EMC9: variants seen among roughly 807,000 people sequenced by gnomAD.
The protein encoded by EMC9 is UPF0172 protein FAM158A.
EMC9 carries 20 observed loss-of-function variants against 25.0 expected under a neutral mutation model. That is an observed-to-expected ratio of 0.80 (90% CI 0.56 to 1.16). EMC9 has a LOEUF of 1.16. EMC9 is among the 50% of genes most tolerant of loss of function. The pLI is 0.00. For missense variants in EMC9, 256 were observed against 268.7 expected (o/e 0.95, Z 0.33); for synonymous variants, 100 against 107.0 (o/e 0.93, Z 0.40).
At chr14:24,140,752 G>A (rs1026209110) in intron 3 of EMC9, 137 bp downstream of exon 3, 7 of 883,292 alleles carry the variant, frequency 7.9e-6, no homozygotes, top group South Asian at 3.2e-5. Flanking sequence ...GTTTGATGAA[G>A]GAAAGATAAA....
intron 1 of EMC9, 53 bp from the exon 2 acceptor site, chr14:24,141,369 T>A (rs1191381696): frequency 1.3e-6 from 2 of 1,553,652 alleles, no homozygotes; most frequent in Non-Finnish European, 1.8e-6. Flanking sequence ...AGCCGGTGCC[T>A]AGCTCGCGTC....
At position 24,140,042 on chromosome 14, in the gene EMC9, A is replaced by G. The variant is rs2038014121; in HGVS notation, c.276-428T>C. ...TTCATATTCAGACTATATAGCTGTTACGGTAGATCTTGGTGTGGAAATGGG... is the reference window on the plus strand; with the variant it reads ...TTCATATTCAGACTATATAGCTGTTGCGGTAGATCTTGGTGTGGAAATGGG... On this transcript the variant is annotated intron_variant, in intron 3 of 5. Transcript: ENST00000216799. The G allele has an allele frequency of 9.2e-6, 3 of 326,410 alleles. No homozygotes were observed. The Admixed American group carries it at 1.3e-4, about 14-fold the overall frequency. 20.2% of individuals were successfully genotyped at this position (326,410 alleles called of 1,614,324 possible).
In EMC9 at chr14:24,139,119, A is replaced by G. The variant is rs1164443557; in HGVS notation, c.518T>C (p.Val173Ala). 12 of 1,614,026 alleles carry G rather than the reference A, an allele frequency of 7.4e-6. No homozygotes were observed. Among genetic ancestry groups the G allele is most frequent in the Non-Finnish European group, 1.0e-5 (12 of 1,180,032 alleles). ...LLEDRAHQHLVDFDCHLDDIR... is the reference protein window; with the variant it reads ...LLEDRAHQHLADFDCHLDDIR... ...GTCATCAAGGTGGCAGTCAAAGTCC[A>G]CAAGGTGCTGGTGGGCCCGATCTTC... The change falls in exon 6 of 6, where the codon GTG (valine) becomes GCG (alanine). Residue 173 changes from valine (V) to alanine (A), a missense_variant. Val to Ala is a moderately conservative substitution (Grantham distance 64). Coordinates refer to ENST00000216799, the MANE Select transcript of EMC9 (RefSeq NM_016049.4). The surrounding 1 kb of genome is among the most constrained non-coding windows in gnomAD (Gnocchi z 4.6).
In EMC9 at chr14:24,139,242, C is replaced by G; in HGVS notation, c.441-46G>C. 1.2e-6 allele frequency: 2 copies of G among 1,608,306 alleles called. No individual in the cohort carries two copies. The highest frequency in any genetic ancestry group is 1.7e-6 in the Non-Finnish European group (2 of 1,175,846). On this transcript the variant is annotated intron_variant, in intron 5 of 5. Coordinates refer to ENST00000216799, the MANE Select transcript of EMC9 (RefSeq NM_016049.4). This position sits in a 1 kb window ranked among gnomAD's most constrained non-coding sequence, Gnocchi z 4.6. ...GAGGTCAAACAGCAAGTAGTGGGTCCAGACACAGACTTAACAGAGATTGGG... is the reference window on the plus strand; with the variant it reads ...GAGGTCAAACAGCAAGTAGTGGGTCGAGACACAGACTTAACAGAGATTGGG...
chr14:24,139,788 T>G lies in EMC9; in HGVS notation c.276-174A>C. ...GATGCACGACTGCTTGATGCTTGAG[T>G]GCTGTGGGAGACAGGTGCTCAGATA... is the stretch of plus-strand genomic sequence containing the variant. On this transcript the variant is annotated intron_variant, in intron 3 of 5. Coordinates refer to ENST00000216799, the MANE Select transcript of EMC9 (RefSeq NM_016049.4). The surrounding 1 kb of genome is among the most constrained non-coding windows in gnomAD (Gnocchi z 4.6). 2 of 1,531,204 alleles carry G rather than the reference T, an allele frequency of 1.3e-6. No homozygotes were observed. The highest frequency in any genetic ancestry group is 2.4e-5 in the South Asian group (2 of 83,040). 94.9% of individuals were successfully genotyped at this position (1,531,204 alleles called of 1,614,324 possible). A position where few individuals can be genotyped will look rare whatever the true frequency, so the allele number is the denominator to read the frequency against.
chr14:24,139,767 C>A lies in EMC9; in HGVS notation c.276-153G>T. On this transcript the variant is annotated intron_variant, in intron 3 of 5. Transcript: ENST00000216799. The surrounding 1 kb of genome is among the most constrained non-coding windows in gnomAD (Gnocchi z 4.6). Reference sequence around the variant, plus strand: ...GATCGGGCCTGCTGGATGCTTGATGCACGACTGCTTGATGCTTGAGTGCTG... The same window carrying A: ...GATCGGGCCTGCTGGATGCTTGATGAACGACTGCTTGATGCTTGAGTGCTG... The A allele has an allele frequency of 7.1e-6, 11 of 1,543,736 alleles. No individual in the cohort carries two copies. The highest frequency in any genetic ancestry group is 9.6e-6 in the Non-Finnish European group (11 of 1,142,814).
Position 24,139,785 on chromosome 14 carries a change from G to A in EMC9, c.276-171C>T, listed in dbSNP as rs749210810. ...CTTGATGCACGACTGCTTGATGCTT[G>A]AGTGCTGTGGGAGACAGGTGCTCAG... On this transcript the variant is annotated intron_variant, in intron 3 of 5. Transcript: ENST00000216799. The surrounding 1 kb of genome is among the most constrained non-coding windows in gnomAD (Gnocchi z 4.6). 1 of 1,538,446 alleles carries A rather than the reference G, an allele frequency of 6.5e-7. No homozygotes were observed. Among genetic ancestry groups the A allele is most frequent in the Non-Finnish European group, 8.8e-7 (1 of 1,138,980 alleles).
chr14:24,139,330 A>G lies in EMC9; in HGVS notation c.440+30T>C, dbSNP rs2037989753. On this transcript the variant is annotated intron_variant, in intron 5 of 5. Coordinates refer to ENST00000216799, the MANE Select transcript of EMC9 (RefSeq NM_016049.4). The surrounding 1 kb of genome is among the most constrained non-coding windows in gnomAD (Gnocchi z 4.6). ...GGAGACCCAGGAGCCTTGGGCTTCT[A>G]AGAAGAGGTAGAGGGAGTGGGGTAC... 1 of 1,610,552 alleles carries G rather than the reference A, an allele frequency of 6.2e-7. No homozygotes were observed. The highest frequency in any genetic ancestry group is 1.1e-5 in the South Asian group (1 of 90,750).
chr14:24,140,601 A>T (rs1258035163), intron 3 of EMC9, among the ~76,000 whole-genome samples: 4 of 151,700 alleles, frequency 2.6e-5, no homozygotes, highest in African/African-American at 9.7e-5. Flanking sequence ...CTCAAAAAAA[A>T]AAAAAAAATC....
chr14:24,140,848 C>T (rs370346086), intron 3 of EMC9, 41 bp downstream of exon 3: 2 of 1,609,176 alleles, frequency 1.2e-6, no homozygotes, highest in African/African-American at 2.7e-5. Context: ...ATCCCCAACC[C>T]GCCATAATCC....
At position 24,139,741 on chromosome 14, in the gene EMC9, G is replaced by A; in HGVS notation, c.276-127C>T. 1.3e-6 allele frequency: 2 copies of A among 1,548,132 alleles called. No homozygotes were observed. The highest frequency in any genetic ancestry group is 1.7e-6 in the Non-Finnish European group (2 of 1,145,336). ...GCCTTTCCCTGTAGGTGGCCTGCGGGGATCGGGCCTGCTGGATGCTTGATG... is the reference window on the plus strand; with the variant it reads ...GCCTTTCCCTGTAGGTGGCCTGCGGAGATCGGGCCTGCTGGATGCTTGATG... On this transcript the variant is annotated intron_variant, in intron 3 of 5. Transcript: ENST00000216799. This position sits in a 1 kb window ranked among gnomAD's most constrained non-coding sequence, Gnocchi z 4.6.
chr14:24,140,183 G>T (rs1166626790), intron 3 of EMC9: 1 of 151,530 alleles, frequency 6.6e-6, no homozygotes, highest in African/African-American at 2.4e-5. Context: ...TTTCCTATAT[G>T]TATATATATA....
intron 1 of EMC9, 28 bp from the exon 2 acceptor site, chr14:24,141,344 G>A (rs1258577427): frequency 1.9e-6 from 3 of 1,608,692 alleles, no homozygotes; most frequent in Admixed American, 1.7e-5. Context: ...AGCCGGATTA[G>A]TACCGGATTA....
At chr14:24,140,837 AAT>A in intron 3 of EMC9, 50 bp downstream of exon 3, 1 of 1,478,466 alleles carries the variant, frequency 6.8e-7, no homozygotes. Flanking sequence ...CTATTCCTCC[AAT>A]CCCCAACCCG....
chr14:24,140,265 G>A (rs922455728), intron 3 of EMC9: 7 of 153,378 alleles, frequency 4.6e-5, no homozygotes, highest in Non-Finnish European at 1.0e-4. Context: ...GGACACCTCA[G>A]TTAAAGCAAG....
rs953521781 is a variant in EMC9, at chr14:24,141,201, G to T, written c.104C>A (p.Pro35Gln). 3.7e-6 allele frequency: 6 copies of T among 1,614,198 alleles called. No individual in the cohort carries two copies. Among genetic ancestry groups the T allele is most frequent in the South Asian group, 3.3e-5 (3 of 91,082 alleles). The change falls in exon 2 of 6, where the codon CCG becomes CAG. Residue 35 changes from proline to glutamine, a missense_variant. Pro to Gln is a moderately conservative substitution (Grantham distance 76). Coordinates refer to ENST00000216799, the MANE Select transcript of EMC9 (RefSeq NM_016049.4). The stretch of plus-strand genomic sequence containing the variant: ...GAGGCACAGGCATTCTCCAGACCGC[G>T]GCGCTGGCGCCAAAAACAGCCCGTT... Reference protein sequence around the residue: ...AVNGLFLAPAPRSGECLCLTD... With the variant: ...AVNGLFLAPAQRSGECLCLTD...
At chr14:24,140,729 C>T (rs1252496687) in intron 3 of EMC9, among the ~76,000 whole-genome samples, 160 bp downstream of exon 3, 2 of 152,192 alleles carry the variant, frequency 1.3e-5, no homozygotes, top group Non-Finnish European at 2.9e-5. Flanking sequence ...GTGTAAAGCC[C>T]CTGCTCCTAA....
chr14:24,141,257 C>A lies in EMC9; in HGVS notation c.48G>T (p.Leu16=). 1 of 1,613,534 alleles carries A rather than the reference C, an allele frequency of 6.2e-7. No homozygotes were observed. Among genetic ancestry groups the A allele is most frequent in the Non-Finnish European group, 8.5e-7 (1 of 1,179,766 alleles). ...CGGCGTGTGGGTACCGGGCAGCATGCAGGCACATCTTCACGTAGGCCAGGG... is the reference window on the plus strand; with the variant it reads ...CGGCGTGTGGGTACCGGGCAGCATGAAGGCACATCTTCACGTAGGCCAGGG... ...ISALAYVKMC[L]HAARYPHAAV... The change falls in exon 2 of 6, where the codon CTG becomes CTT. Residue 16 remains leucine (L), a synonymous_variant. Coordinates refer to ENST00000216799, the MANE Select transcript of EMC9 (RefSeq NM_016049.4).
chr14:24,139,713 G>A lies in EMC9; in HGVS notation c.276-99C>T, dbSNP rs1418231491. On this transcript the variant is annotated intron_variant, in intron 3 of 5. Transcript: ENST00000216799. The surrounding 1 kb of genome is among the most constrained non-coding windows in gnomAD (Gnocchi z 4.6). Reference sequence around the variant, plus strand: ...AGGTCTCATAGGTGTGGGCGCAGCTGTGGCCTTTCCCTGTAGGTGGCCTGC... The same window carrying A: ...AGGTCTCATAGGTGTGGGCGCAGCTATGGCCTTTCCCTGTAGGTGGCCTGC... 1 of 1,554,076 alleles carries A rather than the reference G, an allele frequency of 6.4e-7. No homozygotes were observed. Among genetic ancestry groups the A allele is most frequent in the South Asian group, 1.2e-5 (1 of 83,886 alleles).
Sources: gnomAD v4.1 joint callset for allele counts (sites outside exome capture counted in the v4.1 genomes callset) on GRCh38, gnomAD v4.1.1 for gene constraint, Gnocchi (gnomAD v3.1) non-coding constraint, MANE v1.5 for transcripts, NCBI Gene and HGNC (gene_info 2026-07-23, HGNC 2026-07-21) for gene names.